The following SERPINI1 variants were observed in gnomAD, a reference collection of about 807,000 sequenced individuals.
SERPINI1 encodes neuroserpin.
In SERPINI1, 19 loss-of-function variants were observed where a neutral mutation model predicts 41.1. The ratio of observed to expected loss-of-function variants is 0.46; its 90% CI spans 0.32 to 0.68. The LOEUF (loss-of-function observed/expected upper bound fraction) is 0.68, where lower values mean the gene tolerates loss of function less well. Among genes scored for constraint, SERPINI1 ranks in the 30% least tolerant of loss-of-function variants. The probability of loss-of-function intolerance (pLI) is 0.03; values close to 1 mark genes in which losing one functional copy is unlikely to be tolerated. For missense variants in SERPINI1, 460 were observed against 479.2 expected (o/e 0.96, Z 0.37); for synonymous variants, 138 against 156.6 (o/e 0.88, Z 0.89).
intron 6 of SERPINI1, among the ~76,000 whole-genome samples, chr3:167,818,587 A>G (rs1712206443): frequency 6.6e-6 from 1 of 151,770 alleles, no homozygotes; most frequent in African/African-American, 2.4e-5. Flanking sequence ...TTTTGTTTAA[A>G]AGTTTGTCCA....
intron 6 of SERPINI1, among the ~76,000 whole-genome samples, chr3:167,815,667 G>A (rs1223466469): frequency 6.6e-6 from 1 of 152,090 alleles, no homozygotes; most frequent in Non-Finnish European, 1.5e-5. Context: ...TGGGATTACA[G>A]GTGTGAGCCA....
intron 1 of SERPINI1, among the ~76,000 whole-genome samples, chr3:167,765,802 C>T (rs1352162936): frequency 2.0e-5 from 3 of 152,152 alleles, no homozygotes; most frequent in African/African-American, 7.2e-5. Context: ...TTAGAAATTT[C>T]CTCTGCCAGA....
chr3:167,807,262 A>C lies in SERPINI1; in HGVS notation c.900A>C (p.Glu300Asp). 1 of 1,612,380 alleles carries C rather than the reference A, an allele frequency of 6.2e-7. No homozygotes were observed. Among genetic ancestry groups the C allele is most frequent in the Non-Finnish European group, 8.5e-7 (1 of 1,178,750 alleles). Residue 300 changes from glutamate to aspartate, a missense_variant, in exon 6 of 9, where the codon GAA becomes GAC. Physicochemically the swap from Glu to Asp is conservative, Grantham distance 45. Transcript: ENST00000446050. Reference sequence around the variant, plus strand: ...TCTCCAGGTTCACAGTGGAACAGGAAATTGATTTAAAAGATGTTTTGAAGG... The same window carrying C: ...TCTCCAGGTTCACAGTGGAACAGGACATTGATTTAAAAGATGTTTTGAAGG... ...VYLPRFTVEQ[E>D]IDLKDVLKAL...
rs1210708843 is a variant in SERPINI1, at chr3:167,794,739, A to G, written c.796A>G (p.Thr266Ala). Reference protein sequence around the residue: ...VLSRQEVPLATLEPLVKAQLV... With the variant: ...VLSRQEVPLAALEPLVKAQLV... ...GTCCAGACAGGAAGTTCCTCTTGCT[A>G]CTCTGGAGCCATTAGTCAAAGCACA... The change falls in exon 5 of 9, where the codon ACT (threonine) becomes GCT (alanine). Residue 266 changes from threonine to alanine, a missense_variant. Coordinates refer to ENST00000446050, the MANE Select transcript of SERPINI1 (RefSeq NM_001122752.2). The G allele has an allele frequency of 1.2e-6, 2 of 1,613,540 alleles. No individual in the cohort carries two copies. Among genetic ancestry groups the G allele is most frequent in the Admixed American group, 3.3e-5 (2 of 59,842 alleles).
intron 8 of SERPINI1, 122 bp from the exon 9 acceptor site, chr3:167,825,124 GA>G (rs1712472977): frequency 1.5e-6 from 1 of 672,432 alleles, no homozygotes; most frequent in South Asian, 1.7e-5. Context: ...AGGACAGGAG[GA>G]AGGAAGGAAG....
At chr3:167,794,950 GTTC>G (rs959223126) in intron 5 of SERPINI1, 126 bp downstream of exon 5, 5 of 719,120 alleles carry the variant, frequency 7.0e-6, no homozygotes, top group Non-Finnish European at 2.4e-6. Context: ...TCTTATTCTT[GTTC>G]TTCTCCTTCT....
At chr3:167,818,075 G>T (rs1712178600) in intron 6 of SERPINI1, among the ~76,000 whole-genome samples, 1 of 152,000 alleles carries the variant, frequency 6.6e-6, no homozygotes, top group African/African-American at 2.4e-5. Flanking sequence ...ACCCAGACTG[G>T]AGTGCAATGG....
intron 6 of SERPINI1, 22 bp downstream of exon 6, chr3:167,807,363 T>C (rs1174385577): frequency 7.2e-7 from 1 of 1,391,646 alleles, no homozygotes; most frequent in South Asian, 1.2e-5. Context: ...ACACAAATTT[T>C]TAAAAATGTT....
chr3:167,752,185 C>G (rs1726067973), intron 1 of SERPINI1, among the ~76,000 whole-genome samples: 1 of 152,154 alleles, frequency 6.6e-6, no homozygotes, highest in Non-Finnish European at 1.5e-5. Context: ...TCCACACTCC[C>G]CAAAAACTCT....
chr3:167,822,961 A>C (rs542420475), intron 6 of SERPINI1, 25 bp from the exon 7 acceptor site: 78 of 1,460,060 alleles, frequency 5.3e-5, no homozygotes, highest in Non-Finnish European at 7.4e-5. Flanking sequence ...ATGAAAAAAA[A>C]AAATTTCTGA....
rs1727109343 is a variant in SERPINI1, at chr3:167,781,147, C to G, written c.-18-7964C>G. ...AGTTCCTAGCTTCATTGCTGCTGAT[C>G]TAATTGTGCCTTTCTCTTAGCAAAT... On this transcript the variant is annotated intron_variant, in intron 1 of 8. Transcript: ENST00000446050. Among the ~76,000 whole-genome samples the G allele has an allele frequency of 1.3e-5, 2 of 151,960 alleles. 1 individual carries two copies. The highest frequency in any genetic ancestry group is 2.9e-5 in the Non-Finnish European group (2 of 67,970).
chr3:167,792,811 C>G (rs751609680), intron 4 of SERPINI1, 27 bp downstream of exon 4: 1 of 1,548,258 alleles, frequency 6.5e-7, no homozygotes, highest in East Asian at 2.2e-5. Flanking sequence ...TTTTATTTCT[C>G]TCTTCTTGCA....
intron 6 of SERPINI1, among the ~76,000 whole-genome samples, chr3:167,807,786 A>G (rs890261392): frequency 1.3e-5 from 2 of 152,114 alleles, no homozygotes; most frequent in African/African-American, 4.8e-5. Flanking sequence ...ACCCAGTGAG[A>G]TGGTATAAAC....
intron 1 of SERPINI1, among the ~76,000 whole-genome samples, chr3:167,757,713 G>T (rs997878038): frequency 6.6e-6 from 1 of 152,100 alleles, no homozygotes; most frequent in Admixed American, 6.6e-5. Context: ...GAGTTCAGGG[G>T]TTTGAGACCA....
At chr3:167,740,322 T>G (rs1030620134) in intron 1 of SERPINI1, among the ~76,000 whole-genome samples, 8 of 152,216 alleles carry the variant, frequency 5.3e-5, no homozygotes, top group Non-Finnish European at 8.8e-5. Flanking sequence ...TGAACCACCA[T>G]GCCTTGCTGA....
At chr3:167,762,525 C>T (rs1354528165) in intron 1 of SERPINI1, among the ~76,000 whole-genome samples, 1 of 152,170 alleles carries the variant, frequency 6.6e-6, no homozygotes, top group Non-Finnish European at 1.5e-5. Context: ...CACTCTCCAC[C>T]TCAGCCTCCC....
chr3:167,802,827 C>T (rs1711503485), intron 5 of SERPINI1, among the ~76,000 whole-genome samples: 6 of 150,674 alleles, frequency 4.0e-5, no homozygotes, highest in South Asian at 4.2e-4. Flanking sequence ...CACATGCACA[C>T]GTATGTTTAT....
At chr3:167,790,300 A>G (rs1727458339) in intron 2 of SERPINI1, 72 bp from the exon 3 acceptor site, 1 of 1,156,440 alleles carries the variant, frequency 8.6e-7, no homozygotes, top group Non-Finnish European at 1.3e-6. Context: ...CTGTGCTTTA[A>G]TGCTCCTCCA....
chr3:167,787,095 A>G (rs949036998), intron 1 of SERPINI1, among the ~76,000 whole-genome samples: 1 of 152,122 alleles, frequency 6.6e-6, no homozygotes, highest in African/African-American at 2.4e-5. Context: ...ACACAAATAC[A>G]CATATTCGCC....
Sources: allele counts gnomAD v4.1 joint callset (sites outside exome capture counted in the v4.1 genomes callset), GRCh38; gene constraint gnomAD v4.1.1; transcripts MANE v1.5; gene names NCBI Gene and HGNC (gene_info 2026-07-23, HGNC 2026-07-21).